The following RIPOR2 variants were observed in gnomAD, a reference collection of about 807,000 sequenced individuals.
The protein encoded by RIPOR2 is RHO family interacting cell polarization regulator 2.
In RIPOR2, 39 loss-of-function variants were observed where a neutral mutation model predicts 114.5. The observed-to-expected ratio is 0.34, with a 90% CI of 0.26 to 0.44. RIPOR2 has a LOEUF of 0.44. Ranked by LOEUF, RIPOR2 falls within the 20% of genes least tolerant of loss-of-function variation. The probability of loss-of-function intolerance (pLI) is 1.00; values close to 1 mark genes in which losing one functional copy is unlikely to be tolerated. For missense variants in RIPOR2, 1,007 were observed against 1,255.1 expected, an observed-to-expected ratio of 0.80 and a Z score of 2.99; for synonymous variants, 445 against 484.4, an observed-to-expected ratio of 0.92 and a Z score of 1.07.
At chr6:24,878,403 A>C (rs1387501800) in intron 1 of RIPOR2, among the ~76,000 whole-genome samples, 3 of 152,116 alleles carry the variant, frequency 2.0e-5, no homozygotes, top group Admixed American at 1.3e-4. Flanking sequence ...CCAAGCACCC[A>C]CCTTAATGTC....
chr6:24,818,314 C>T (rs189904581), intron 20 of RIPOR2, among the ~76,000 whole-genome samples: 30 of 152,248 alleles, frequency 2.0e-4, no homozygotes, highest in African/African-American at 7.0e-4. Flanking sequence ...TTCCCTTGGG[C>T]TAGTGCAAAA....
intron 1 of RIPOR2, among the ~76,000 whole-genome samples, chr6:24,888,645 G>T (rs1581715932): frequency 6.6e-6 from 1 of 152,166 alleles, no homozygotes; most frequent in Admixed American, 6.5e-5. Context: ...GGGCATGAGG[G>T]TCCAGTAGGA....
At chr6:24,983,756 C>CAAAAAAAAAAAAAAAAAA in intron 1 of RIPOR2, among the ~76,000 whole-genome samples, 1 of 47,180 alleles carries the variant, frequency 2.1e-5, no homozygotes, top group Non-Finnish European at 3.5e-5. Context: ...GACTGTGTCT[C>CAAAAAAAAAAAAAAAAAA]AAAAAAAAAA....
At chr6:24,848,608 A>G (rs528006505) in intron 11 of RIPOR2, among the ~76,000 whole-genome samples, 5 of 152,346 alleles carry the variant, frequency 3.3e-5, no homozygotes, top group African/African-American at 1.2e-4. Context: ...CAGTTGACAC[A>G]GAGCCTCTTG....
chr6:24,939,710 A>C (rs947351657), upstream of RIPOR2, among the ~76,000 whole-genome samples: 1 of 152,202 alleles, frequency 6.6e-6, no homozygotes, highest in African/African-American at 2.4e-5. Context: ...ATGAGGAGTA[A>C]GTCTGAAACA....
chr6:24,897,597 T>A lies in RIPOR2; in HGVS notation c.62-21780A>T, dbSNP rs548780181. Reference sequence around the variant, plus strand: ...CAAGGAAAATTGTTTAATAAGGGCATTTGTCTTAGTAAATGAAAGTTCGTC... The same window carrying A: ...CAAGGAAAATTGTTTAATAAGGGCAATTGTCTTAGTAAATGAAAGTTCGTC... On this transcript the variant is annotated intron_variant, in intron 1 of 21. Coordinates refer to ENST00000643898, the MANE Select transcript of RIPOR2 (RefSeq NM_001286445.3). 4.6e-5 allele frequency among the ~76,000 whole-genome samples: 7 copies of A among 152,290 alleles called. No homozygotes were observed. The East Asian group carries it at 1.4e-3, about 29-fold the overall frequency.
chr6:24,909,963 C>T (rs77129437), intron 1 of RIPOR2, among the ~76,000 whole-genome samples: 4,256 of 152,182 alleles, frequency 0.028, 165 homozygotes, highest in African/African-American at 0.084. Context: ...GCGCCTCTGC[C>T]ACCTTAGCAC....
intron 1 of RIPOR2, among the ~76,000 whole-genome samples, chr6:24,913,661 C>T (rs999194510): frequency 2.0e-5 from 3 of 152,154 alleles, no homozygotes; most frequent in African/African-American, 7.2e-5. Context: ...GTCTTCACAC[C>T]GCCTCTCCAA....
intron 14 of RIPOR2, 122 bp from the exon 15 acceptor site, chr6:24,835,993 T>A: frequency 1.1e-6 from 1 of 880,862 alleles, no homozygotes; most frequent in Non-Finnish European, 1.7e-6. Flanking sequence ...CTTGCCTATC[T>A]TGAAAAATAG....
intron 4 of RIPOR2, among the ~76,000 whole-genome samples, chr6:24,871,346 T>G (rs962164105): frequency 6.6e-6 from 1 of 152,216 alleles, no homozygotes; most frequent in Non-Finnish European, 1.5e-5. Context: ...AATTGATATT[T>G]AAGAAGAGTT....
intron 1 of RIPOR2, chr6:25,023,691 T>G (rs1776444912): frequency 1.3e-6 from 1 of 764,350 alleles, no homozygotes; most frequent in South Asian, 1.3e-5. Flanking sequence ...TTCTCCACGA[T>G]GTCAGTACAG....
chr6:24,985,067 TG>T (rs1339080192), intron 1 of RIPOR2, among the ~76,000 whole-genome samples: 1 of 152,262 alleles, frequency 6.6e-6, no homozygotes, highest in East Asian at 1.9e-4. Flanking sequence ...ATGTGCCCTA[TG>T]CGCAACTTTT....
chr6:24,936,200 T>C (rs764931024), upstream of RIPOR2: 23 of 274,158 alleles, frequency 8.4e-5, no homozygotes, highest in African/African-American at 5.1e-4. Context: ...GAATTCTATT[T>C]CAAAGCAACA....
At chr6:24,996,377 A>G (rs1206437381) in intron 1 of RIPOR2, among the ~76,000 whole-genome samples, 2 of 152,226 alleles carry the variant, frequency 1.3e-5, no homozygotes, top group South Asian at 2.1e-4. Flanking sequence ...TGATGAATGC[A>G]TCTTTTAATT....
At chr6:24,877,285 C>T (rs533686177) in intron 1 of RIPOR2, 30 of 985,298 alleles carry the variant, frequency 3.0e-5, no homozygotes, top group Non-Finnish European at 3.5e-5. Context: ...CCCCATGTTG[C>T]TGCAGGTTTT....
Position 24,949,278 on chromosome 6 carries a change from A to T in RIPOR2, c.77-73461T>A, listed in dbSNP as rs950859929. 5.3e-5 allele frequency among the ~76,000 whole-genome samples: 8 copies of T among 152,186 alleles called. No homozygotes were observed. In the South Asian group the frequency reaches 6.2e-4, roughly 12 times the overall value. On this transcript the variant is annotated intron_variant, in intron 1 of 13. Transcript: ENST00000510784. ...CCATAGTTTCAAGAGGGAGGGGAGC[A>T]GAAAGCCGCCAGCTCTCCAAAAAAC...
At chr6:24,977,516 A>G (rs568809662) in intron 1 of RIPOR2, among the ~76,000 whole-genome samples, 5 of 152,344 alleles carry the variant, frequency 3.3e-5, no homozygotes, top group African/African-American at 9.6e-5. Flanking sequence ...CGGAGACCAA[A>G]TATTTATCTC....
At chr6:24,851,374 G>A (rs1359450655) in intron 9 of RIPOR2, among the ~76,000 whole-genome samples, 2 of 152,194 alleles carry the variant, frequency 1.3e-5, no homozygotes. Context: ...AGATGAGGAA[G>A]TATCAGCTAA....
At chr6:25,000,616 C>T (rs976684159) in intron 1 of RIPOR2, among the ~76,000 whole-genome samples, 15 of 151,710 alleles carry the variant, frequency 9.9e-5, no homozygotes, top group African/African-American at 3.4e-4. Flanking sequence ...TACAGCCAGC[C>T]TCTATTTTCT....
Sources: allele counts gnomAD v4.1 joint callset (sites outside exome capture counted in the v4.1 genomes callset), GRCh38; gene constraint gnomAD v4.1.1; transcripts MANE v1.5; gene names NCBI Gene and HGNC (gene_info 2026-07-23, HGNC 2026-07-21).